The following PAK2 variants were observed in gnomAD, a reference collection of about 807,000 sequenced individuals.
PAK2 encodes p21 (RAC1) activated kinase 2.
In PAK2, 21 loss-of-function variants were observed where a neutral mutation model predicts 65.9. That is an observed-to-expected ratio of 0.32 (90% CI 0.23 to 0.46). The LOEUF is 0.46. Among genes scored for constraint, PAK2 ranks in the 20% least tolerant of loss-of-function variants. PAK2 has a pLI of 1.00. For missense variants in PAK2, 324 were observed against 642.6 expected, an observed-to-expected ratio of 0.50 and a Z score of 5.36; for synonymous variants, 204 against 219.7, an observed-to-expected ratio of 0.93 and a Z score of 0.63.
intron 2 of PAK2, among the ~76,000 whole-genome samples, chr3:196,788,094 G>A (rs1482800725): frequency 2.0e-5 from 3 of 152,114 alleles, no homozygotes; most frequent in Non-Finnish European, 4.4e-5. Context: ...TGCTTCTCTC[G>A]CTAGTCTTAT....
At chr3:196,760,274 A>G (rs1322609497) in intron 1 of PAK2, among the ~76,000 whole-genome samples, 1 of 152,048 alleles carries the variant, frequency 6.6e-6, no homozygotes, top group African/African-American at 2.4e-5. Flanking sequence ...GTTTTGAGAC[A>G]GCGTCTTGCA....
chr3:196,798,407 G>A (rs556901789), intron 2 of PAK2, among the ~76,000 whole-genome samples: 10 of 151,322 alleles, frequency 6.6e-5, no homozygotes, highest in Admixed American at 5.9e-4. Context: ...ACAGTGGTGC[G>A]ATCTTGGCTC....
At chr3:196,776,967 G>A (rs939386461) in intron 1 of PAK2, among the ~76,000 whole-genome samples, 4 of 152,022 alleles carry the variant, frequency 2.6e-5, no homozygotes, top group Admixed American at 6.6e-5. Flanking sequence ...GATTTTTTTC[G>A]TAAATTTCAG....
chr3:196,741,509 C>T (rs1335860664), intron 1 of PAK2, among the ~76,000 whole-genome samples: 1 of 152,156 alleles, frequency 6.6e-6, no homozygotes, highest in Non-Finnish European at 1.5e-5. Flanking sequence ...TTAAATCTTT[C>T]GAGCTACTTA....
At chr3:196,792,410 T>C (rs1715102671) in intron 2 of PAK2, among the ~76,000 whole-genome samples, 2 of 152,194 alleles carry the variant, frequency 1.3e-5, no homozygotes, top group South Asian at 4.1e-4. Flanking sequence ...GATAGACGTA[T>C]TAATAATTGT....
At chr3:196,782,521 A>T in intron 1 of PAK2, 105 bp from the exon 2 acceptor site, 2 of 621,920 alleles carry the variant, frequency 3.2e-6, no homozygotes, top group Non-Finnish European at 5.8e-6. Context: ...CTATAAATGG[A>T]TAATATTTTC....
In PAK2 at chr3:196,806,697, A is replaced by G. The variant is rs770403447; in HGVS notation, c.576+11A>G. ...GATCATACGAAATCAGTGAGTCTCC[A>G]TCGGTGATCTAGGCTGTGTGTGTGC... On this transcript the variant is annotated intron_variant, in intron 6 of 14. Transcript: ENST00000327134. 4 of 1,462,292 alleles carry G rather than the reference A, an allele frequency of 2.7e-6. No homozygotes were observed. Among genetic ancestry groups the G allele is most frequent in the South Asian group, 1.1e-5 (1 of 88,062 alleles). The allele number at this position is 1,462,292 out of a possible 1,614,324, so 90.6% of individuals were successfully genotyped here.
intron 10 of PAK2, among the ~76,000 whole-genome samples, chr3:196,813,550 A>T (rs952947372): frequency 6.6e-6 from 1 of 152,074 alleles, no homozygotes; most frequent in African/African-American, 2.4e-5. Context: ...TTTATTGAAG[A>T]TAGAGGTGAT....
At chr3:196,751,674 C>CACATATATATATATATATAT (rs1250574181) in intron 1 of PAK2, among the ~76,000 whole-genome samples, 2 of 71,818 alleles carry the variant, frequency 2.8e-5, no homozygotes, top group African/African-American at 1.5e-4. Context: ...TATTTATATA[C>CACATATATATATATATATAT]ATATATATAT....
intron 13 of PAK2, among the ~76,000 whole-genome samples, chr3:196,823,273 G>C (rs763815778): frequency 3.3e-5 from 5 of 152,118 alleles, no homozygotes; most frequent in Non-Finnish European, 7.4e-5. Flanking sequence ...AGAGAGAAAA[G>C]ACTAACGGGA....
intron 7 of PAK2, among the ~76,000 whole-genome samples, chr3:196,810,224 C>T (rs764374297): frequency 9.9e-5 from 15 of 151,704 alleles, no homozygotes; most frequent in Non-Finnish European, 1.8e-4. Flanking sequence ...CTTGAGATTA[C>T]CTGATTCTAA....
At chr3:196,766,053 T>C (rs1426241760) in intron 1 of PAK2, among the ~76,000 whole-genome samples, 2 of 151,998 alleles carry the variant, frequency 1.3e-5, no homozygotes, top group Non-Finnish European at 2.9e-5. Context: ...AGCACCACCA[T>C]GCCCACCTAG....
chr3:196,769,076 C>T (rs1437206855), intron 1 of PAK2, among the ~76,000 whole-genome samples: 1 of 151,994 alleles, frequency 6.6e-6, no homozygotes, highest in East Asian at 1.9e-4. Flanking sequence ...CCTATAATCC[C>T]AGCAATTTGG....
chr3:196,803,187 G>GA, intron 4 of PAK2, 23 bp downstream of exon 4: 1 of 1,556,030 alleles, frequency 6.4e-7, no homozygotes, highest in Admixed American at 2.1e-5. Flanking sequence ...CATAAGGCTG[G>GA]ATCAGATGGA....
At chr3:196,822,413 G>T (rs1711683810) in intron 13 of PAK2, among the ~76,000 whole-genome samples, 1 of 152,228 alleles carries the variant, frequency 6.6e-6, no homozygotes, top group Non-Finnish European at 1.5e-5. Context: ...AGAGAGCTGG[G>T]CACAGTGGCT....
chr3:196,781,628 A>G (rs1015350801), intron 1 of PAK2, among the ~76,000 whole-genome samples: 5 of 152,222 alleles, frequency 3.3e-5, no homozygotes, highest in Admixed American at 3.3e-4. Flanking sequence ...GTAAATTAGG[A>G]TGTCAAATTT....
chr3:196,793,195 T>G (rs965517153), intron 2 of PAK2, among the ~76,000 whole-genome samples: 1 of 152,156 alleles, frequency 6.6e-6, no homozygotes, highest in Non-Finnish European at 1.5e-5. Flanking sequence ...GAAAAAAGAA[T>G]AAACTGGGAT....
intron 11 of PAK2, among the ~76,000 whole-genome samples, chr3:196,815,998 C>A (rs1377934506): frequency 6.6e-6 from 1 of 152,074 alleles, no homozygotes; most frequent in Non-Finnish European, 1.5e-5. Flanking sequence ...TGCCAAATTG[C>A]CAATTTAAGC....
At chr3:196,817,305 C>T (rs531636200) in intron 11 of PAK2, among the ~76,000 whole-genome samples, 21 of 151,678 alleles carry the variant, frequency 1.4e-4, no homozygotes, top group African/African-American at 5.1e-4. Context: ...GCTGGGATTA[C>T]AGGCCTGAGG....
Sources: gnomAD v4.1 joint callset for allele counts (sites outside exome capture counted in the v4.1 genomes callset) on GRCh38, gnomAD v4.1.1 for gene constraint, MANE v1.5 for transcripts, NCBI Gene and HGNC (gene_info 2026-07-23, HGNC 2026-07-21) for gene names.